The following ZNHIT6 variants were observed in gnomAD, a reference collection of about 807,000 sequenced individuals.
The protein encoded by ZNHIT6 is zinc finger HIT-type containing 6, also known as box C/D snoRNA protein 1.
ZNHIT6 carries 45 observed loss-of-function variants against 57.2 expected under a neutral mutation model. The observed-to-expected ratio is 0.79, with a 90% CI of 0.62 to 1.01. The LOEUF (loss-of-function observed/expected upper bound fraction) is 1.01, where lower values mean the gene tolerates loss of function less well. ZNHIT6 is among the 50% of genes least tolerant of loss of function. The pLI, the probability that ZNHIT6 is intolerant of heterozygous loss-of-function variation, is 0.00. For missense variants in ZNHIT6, 528 were observed against 567.3 expected, an observed-to-expected ratio of 0.93 and a Z score of 0.70; for synonymous variants, 188 against 190.0, an observed-to-expected ratio of 0.99 and a Z score of 0.09.
chr1:85,697,058 G>C (rs1415922002), intron 5 of ZNHIT6, among the ~76,000 whole-genome samples: 1 of 151,062 alleles, frequency 6.6e-6, no homozygotes, highest in Non-Finnish European at 1.5e-5. Context: ...TTTTAGTAGA[G>C]ACGGGGTTTC....
Position 85,706,255 on chromosome 1 carries a change from G to A in ZNHIT6, c.823C>T (p.Leu275=), listed in dbSNP as rs749136808. 4 of 1,610,944 alleles carry A rather than the reference G, an allele frequency of 2.5e-6. No homozygotes were observed. The highest frequency in any genetic ancestry group is 3.4e-6 in the Non-Finnish European group (4 of 1,178,072). Residue 275 remains leucine (L), a synonymous_variant, in exon 3 of 10, where the codon CTA becomes TTA. Coordinates refer to ENST00000370574, the MANE Select transcript of ZNHIT6 (RefSeq NM_017953.4). The part of the protein sequence containing the change: ...SIQQFTEMNL[L]SDYRFLEDVA... ...TATGCATAAAGTGGCTTACCACTTAGGAGATTCATTTCAGTAAACTGTTGT... is the reference window on the plus strand; with the variant it reads ...TATGCATAAAGTGGCTTACCACTTAAGAGATTCATTTCAGTAAACTGTTGT...
At chr1:85,662,049 T>C (rs1661238406) in intron 8 of ZNHIT6, among the ~76,000 whole-genome samples, 1 of 151,758 alleles carries the variant, frequency 6.6e-6, no homozygotes, top group Non-Finnish European at 1.5e-5. Context: ...GTTGTCATGA[T>C]AATCAAGGGT....
rs1661730434 is a variant in ZNHIT6, at chr1:85,677,287, G to A, written c.1196C>T (p.Thr399Ile). ...AATCTTCATTAAAATCTGAACCCCAGTCTGAGAGCGAATGTAGGCTTTCAA... is the reference window on the plus strand; with the variant it reads ...AATCTTCATTAAAATCTGAACCCCAATCTGAGAGCGAATGTAGGCTTTCAA... ...QRLKAYIRSQTGVQILMKIEY... is the reference protein window; with the variant it reads ...QRLKAYIRSQIGVQILMKIEY... Residue 399 changes from threonine (T) to isoleucine (I), a missense_variant, in exon 8 of 10, where the codon ACT (threonine) becomes ATT (isoleucine). Coordinates refer to ENST00000370574, the MANE Select transcript of ZNHIT6 (RefSeq NM_017953.4). The A allele has an allele frequency of 1.9e-6, 3 of 1,608,390 alleles. No individual in the cohort carries two copies. Among genetic ancestry groups the A allele is most frequent in the Non-Finnish European group, 2.5e-6 (3 of 1,178,380 alleles).
intron 8 of ZNHIT6, among the ~76,000 whole-genome samples, chr1:85,661,740 C>T (rs188198950): frequency 6.6e-6 from 1 of 152,340 alleles, no homozygotes; most frequent in Non-Finnish European, 1.5e-5. Context: ...CATTAAGCTA[C>T]TGAATCCTAA....
intron 5 of ZNHIT6, among the ~76,000 whole-genome samples, chr1:85,687,771 G>A (rs1166844663): frequency 6.6e-6 from 1 of 152,182 alleles, no homozygotes; most frequent in Non-Finnish European, 1.5e-5. Flanking sequence ...CATGAGGTAA[G>A]CTAAAGCTAG....
At chr1:85,669,302 A>C (rs1661482044) in intron 8 of ZNHIT6, among the ~76,000 whole-genome samples, 1 of 152,162 alleles carries the variant, frequency 6.6e-6, no homozygotes, top group Non-Finnish European at 1.5e-5. Flanking sequence ...CAAAAAGGAG[A>C]TAGGAAAAAG....
intron 7 of ZNHIT6, 67 bp from the exon 8 acceptor site, chr1:85,677,380 G>A: frequency 7.6e-7 from 1 of 1,317,558 alleles, no homozygotes; most frequent in Non-Finnish European, 1.1e-6. Context: ...GTCTTATGGA[G>A]ACTAAGCATT....
chr1:85,687,303 A>AAAAAAAAAAAAAAAAAAAT (rs1662085964), intron 5 of ZNHIT6, among the ~76,000 whole-genome samples: 1 of 142,014 alleles, frequency 7.0e-6, no homozygotes. Flanking sequence ...AAAAAACAAA[A>AAAAAAAAAAAAAAAAAAAT]AAAAAAAACA....
chr1:85,684,325 GC>G (rs763790029), intron 5 of ZNHIT6, among the ~76,000 whole-genome samples: 6 of 152,136 alleles, frequency 3.9e-5, no homozygotes, highest in Non-Finnish European at 8.8e-5. Flanking sequence ...AACTATTCAT[GC>G]ATAGCAAAGC....
chr1:85,680,178 C>T (rs541318200), intron 6 of ZNHIT6, among the ~76,000 whole-genome samples: 33 of 152,194 alleles, frequency 2.2e-4, no homozygotes, highest in African/African-American at 7.2e-4. Flanking sequence ...TGCACTCCAG[C>T]GTGGGCAACA....
chr1:85,707,622 G>A lies in ZNHIT6; in HGVS notation c.656+7C>T, dbSNP rs1327615928. 1 of 1,539,570 alleles carries A rather than the reference G, an allele frequency of 6.5e-7. No homozygotes were observed. The highest frequency in any genetic ancestry group is 8.7e-7 in the Non-Finnish European group (1 of 1,148,262). On this transcript the variant is annotated splice_region_variant and intron_variant, in intron 1 of 9. Transcript: ENST00000370574. ...TATTCCCCTAAATGGAATCCCCCAT[G>A]CCCTACCTTGACATGGCCAGTTTCC...
chr1:85,700,360 TCTC>T (rs138631322), intron 5 of ZNHIT6, among the ~76,000 whole-genome samples: 1 of 152,262 alleles, frequency 6.6e-6, no homozygotes, highest in East Asian at 1.9e-4. Flanking sequence ...ATGTTGCTAA[TCTC>T]CTCCTGGGAA....
intron 8 of ZNHIT6, among the ~76,000 whole-genome samples, chr1:85,665,875 A>G (rs1661356397): frequency 6.6e-6 from 1 of 152,216 alleles, no homozygotes; most frequent in Non-Finnish European, 1.5e-5. Flanking sequence ...GTATTATTTT[A>G]GAGTTGGCAG....
intron 8 of ZNHIT6, among the ~76,000 whole-genome samples, chr1:85,666,878 T>C (rs748954690): frequency 8.5e-5 from 13 of 152,226 alleles, no homozygotes; most frequent in Non-Finnish European, 8.8e-5. Flanking sequence ...AGAATTGCTA[T>C]AATCCTTAAA....
chr1:85,700,570 A>G (rs1227276538), intron 5 of ZNHIT6, among the ~76,000 whole-genome samples: 2 of 152,214 alleles, frequency 1.3e-5, no homozygotes, highest in Non-Finnish European at 1.5e-5. Context: ...ACCTACAGAC[A>G]CAAAAATGTT....
chr1:85,697,803 T>C (rs1662418956), intron 5 of ZNHIT6, among the ~76,000 whole-genome samples: 1 of 152,206 alleles, frequency 6.6e-6, no homozygotes, highest in Admixed American at 6.5e-5. Flanking sequence ...AGAAACAATA[T>C]TGAGCTTTTT....
intron 8 of ZNHIT6, 134 bp downstream of exon 8, chr1:85,677,102 T>C: frequency 3.3e-6 from 2 of 597,778 alleles, no homozygotes; most frequent in Non-Finnish European, 5.5e-6. Flanking sequence ...ATTTTGAATT[T>C]GACTTGAAAG....
chr1:85,700,165 T>A (rs1662488142), intron 5 of ZNHIT6, among the ~76,000 whole-genome samples: 1 of 152,218 alleles, frequency 6.6e-6, no homozygotes, highest in Admixed American at 6.5e-5. Flanking sequence ...TTTAAACTTT[T>A]TAATGATACA....
At chr1:85,675,832 C>T (rs1270931188) in intron 8 of ZNHIT6, among the ~76,000 whole-genome samples, 2 of 152,142 alleles carry the variant, frequency 1.3e-5, no homozygotes, top group Non-Finnish European at 1.5e-5. Flanking sequence ...ACACATAACC[C>T]ACAGGTTATA....
Sources: allele counts gnomAD v4.1 joint callset (sites outside exome capture counted in the v4.1 genomes callset), GRCh38; gene constraint gnomAD v4.1.1; transcripts MANE v1.5; gene names NCBI Gene and HGNC (gene_info 2026-07-23, HGNC 2026-07-21).